The following DCDC1 variants were observed in gnomAD, a reference collection of about 807,000 sequenced individuals.
The protein encoded by DCDC1 is doublecortin domain containing 1.
A neutral mutation model predicts 178.3 loss-of-function variants in DCDC1; 200 were observed. The observed-to-expected ratio is 1.12, with a 90% CI of 1.00 to 1.26. The LOEUF (loss-of-function observed/expected upper bound fraction) is 1.26. DCDC1 is among the 50% of genes most tolerant of loss of function. DCDC1 has a pLI of 0.00. For missense variants in DCDC1, 1,983 were observed against 1,749.2 expected (o/e 1.13, Z -2.38); for synonymous variants, 690 against 604.8 (o/e 1.14, Z -2.07).
At chr11:31,046,615 GA>G (rs4067329) in intron 20 of DCDC1, among the ~76,000 whole-genome samples, 2,308 of 140,420 alleles carry the variant, frequency 0.016, 55 homozygotes, top group African/African-American at 0.054. Context: ...GCCTCAGTAA[GA>G]AAAAAAAAAA....
At chr11:31,026,911 C>T (rs1953281811) in intron 20 of DCDC1, among the ~76,000 whole-genome samples, 1 of 151,620 alleles carries the variant, frequency 6.6e-6, no homozygotes, top group African/African-American at 2.4e-5. Context: ...GCACAGCAAC[C>T]CTCTCTATGA....
At chr11:30,983,031 ACT>A (rs956724093) in intron 20 of DCDC1, among the ~76,000 whole-genome samples, 2 of 152,050 alleles carry the variant, frequency 1.3e-5, no homozygotes, top group Non-Finnish European at 2.9e-5. Context: ...GCTTTAAACT[ACT>A]CTACAGCTGT....
At chr11:30,956,000 G>A (rs948073360) in intron 20 of DCDC1, among the ~76,000 whole-genome samples, 1 of 152,150 alleles carries the variant, frequency 6.6e-6, no homozygotes, top group Non-Finnish European at 1.5e-5. Flanking sequence ...ACTAGGGAGT[G>A]TTTAAGAATT....
At chr11:30,926,203 T>C (rs1946581185) in intron 22 of DCDC1, among the ~76,000 whole-genome samples, 1 of 152,188 alleles carries the variant, frequency 6.6e-6, no homozygotes, top group African/African-American at 2.4e-5. Flanking sequence ...GAGTGGCATT[T>C]GGGTTGGGTT....
chr11:31,214,424 AT>A (rs1268258821), intron 9 of DCDC1, among the ~76,000 whole-genome samples: 5 of 151,710 alleles, frequency 3.3e-5, no homozygotes, highest in African/African-American at 1.2e-4. Context: ...TTTGATTTTA[AT>A]TTTTTTTTAA....
intron 7 of DCDC1, among the ~76,000 whole-genome samples, chr11:31,284,935 G>A (rs1025145697): frequency 5.3e-5 from 8 of 152,094 alleles, no homozygotes; most frequent in African/African-American, 1.7e-4. Flanking sequence ...CACCATGCCC[G>A]GCCATGTTAA....
At chr11:31,273,938 T>A (rs545796476) in intron 7 of DCDC1, among the ~76,000 whole-genome samples, 7 of 152,034 alleles carry the variant, frequency 4.6e-5, no homozygotes, top group African/African-American at 1.7e-4. Flanking sequence ...TATAAAACCA[T>A]CAGATCGCAT....
Position 30,927,785 on chromosome 11 carries a change from G to A in DCDC1, c.2898-2377C>T, listed in dbSNP as rs568126197. 1.2e-4 allele frequency among the ~76,000 whole-genome samples: 18 copies of A among 152,236 alleles called. 1 individual carries two copies. In the East Asian group the frequency reaches 2.9e-3, roughly 24 times the overall value. On this transcript the variant is annotated intron_variant, in intron 22 of 38. Coordinates refer to ENST00000684477, the MANE Select transcript of DCDC1 (RefSeq NM_001387274.1). ...AAAGAGAACCTCAAAATTGTCTAGA[G>A]TGAATTATTAAATAACCAAAGATAG...
chr11:30,988,515 T>G (rs1200208779), intron 20 of DCDC1, among the ~76,000 whole-genome samples: 1 of 151,934 alleles, frequency 6.6e-6, no homozygotes, highest in Non-Finnish European at 1.5e-5. Flanking sequence ...CCTAATCTCC[T>G]AATCTGTATC....
chr11:30,894,810 A>G (rs1251307788), intron 34 of DCDC1, among the ~76,000 whole-genome samples: 1 of 152,222 alleles, frequency 6.6e-6, no homozygotes, highest in African/African-American at 2.4e-5. Flanking sequence ...CTGGGGATTA[A>G]GTATTTCTAA....
At chr11:31,365,615 G>C (rs1178204628) in intron 1 of DCDC1, among the ~76,000 whole-genome samples, 1 of 152,054 alleles carries the variant, frequency 6.6e-6, no homozygotes, top group Non-Finnish European at 1.5e-5. Flanking sequence ...TGAATGTCTG[G>C]TAGACGTTAG....
intron 9 of DCDC1, among the ~76,000 whole-genome samples, chr11:31,234,871 AAC>A (rs1976262382): frequency 6.6e-6 from 1 of 152,106 alleles, no homozygotes; most frequent in Non-Finnish European, 1.5e-5. Context: ...GAATCTATCA[AAC>A]ACACTCTTTC....
intron 36 of DCDC1, among the ~76,000 whole-genome samples, chr11:30,885,018 C>A (rs1187849776): frequency 2.0e-5 from 3 of 151,824 alleles, no homozygotes; most frequent in African/African-American, 7.2e-5. Flanking sequence ...CAATGAGCAA[C>A]TTCTTTAAGA....
chr11:31,211,736 T>C (rs1972557715), intron 9 of DCDC1, among the ~76,000 whole-genome samples: 1 of 152,088 alleles, frequency 6.6e-6, no homozygotes. Flanking sequence ...TTACGTTCCA[T>C]ATAACGTGTC....
chr11:30,905,223 C>T, intron 30 of DCDC1, 59 bp from the exon 31 acceptor site: 1 of 1,503,134 alleles, frequency 6.7e-7, no homozygotes, highest in Non-Finnish European at 9.0e-7. Context: ...TAGTGTGCTA[C>T]ACTTTAGTCT....
chr11:31,327,758 C>A (rs1407820850), intron 3 of DCDC1, among the ~76,000 whole-genome samples: 2 of 151,966 alleles, frequency 1.3e-5, no homozygotes, highest in South Asian at 4.2e-4. Flanking sequence ...GACAGAGTCT[C>A]ACTCTGTCGC....
chr11:31,034,143 CAAAA>C (rs11439632), intron 20 of DCDC1, among the ~76,000 whole-genome samples: 1 of 102,136 alleles, frequency 9.8e-6, no homozygotes, highest in Non-Finnish European at 2.0e-5. Context: ...GGCTCTGTCT[CAAAA>C]AAAAAAAAAA....
At chr11:30,906,794 T>A in intron 29 of DCDC1, 69 bp from the exon 30 acceptor site, 1 of 1,373,068 alleles carries the variant, frequency 7.3e-7, no homozygotes. Flanking sequence ...TGTAGAACAT[T>A]TTACAATATA....
At chr11:30,995,021 T>TA (rs546983827) in intron 20 of DCDC1, among the ~76,000 whole-genome samples, 118 of 151,234 alleles carry the variant, frequency 7.8e-4, no homozygotes, top group African/African-American at 2.7e-3. Context: ...TGATTATCTT[T>TA]AAAAAAAAGT....
Sources: gnomAD v4.1 joint callset for allele counts (sites outside exome capture counted in the v4.1 genomes callset) on GRCh38, gnomAD v4.1.1 for gene constraint, MANE v1.5 for transcripts, NCBI Gene and HGNC (gene_info 2026-07-23, HGNC 2026-07-21) for gene names.